PKHD1: variants seen among roughly 807,000 people sequenced by gnomAD.
PKHD1 encodes the protein PKHD1 ciliary IPT domain containing fibrocystin/polyductin.
A neutral mutation model predicts 412.0 loss-of-function variants in PKHD1; 291 were observed. The observed-to-expected ratio is 0.71, with a 90% CI of 0.64 to 0.78. The LOEUF (loss-of-function observed/expected upper bound fraction) is 0.78. Among genes scored for constraint, PKHD1 ranks in the 30% least tolerant of loss-of-function variants. PKHD1 has a pLI of 0.00. For missense variants in PKHD1, 4,825 were observed against 4,950.7 expected, an observed-to-expected ratio of 0.97 and a Z score of 0.76; for synonymous variants, 1,777 against 1,821.5, an observed-to-expected ratio of 0.98 and a Z score of 0.62.
At chr6:51,954,058 C>T (rs1461851607) in intron 36 of PKHD1, among the ~76,000 whole-genome samples, 2 of 152,094 alleles carry the variant, frequency 1.3e-5, no homozygotes, top group Non-Finnish European at 2.9e-5. Context: ...TAGAAGCAGC[C>T]ACTATCTGTA....
At chr6:52,016,336 A>G (rs1800523073) in intron 34 of PKHD1, among the ~76,000 whole-genome samples, 1 of 152,158 alleles carries the variant, frequency 6.6e-6, no homozygotes, top group Admixed American at 6.5e-5. Context: ...GTTTAGTTTC[A>G]TATTTTATAA....
intron 55 of PKHD1, among the ~76,000 whole-genome samples, chr6:51,767,537 A>T (rs1406118499): frequency 6.6e-6 from 1 of 151,968 alleles, no homozygotes; most frequent in Non-Finnish European, 1.5e-5. Flanking sequence ...TCATTGTTCA[A>T]TTCCCACCTA....
At chr6:51,930,370 T>C (rs1188166086) in intron 37 of PKHD1, among the ~76,000 whole-genome samples, 1 of 152,024 alleles carries the variant, frequency 6.6e-6, no homozygotes, top group Non-Finnish European at 1.5e-5. Context: ...GAAAAGATGG[T>C]GCTGTGTGTG....
rs1044357733 is a variant in PKHD1, at chr6:52,064,956, T to C, written c.975A>G (p.Pro325=). Reference sequence around the variant, plus strand: ...GAACAGCCCTGGTGGCTTCCTTACCTGGCTGAGGGGTGGTGAGCCTCACAT... The same window carrying C: ...GAACAGCCCTGGTGGCTTCCTTACCCGGCTGAGGGGTGGTGAGCCTCACAT... ...GKDVRLTTPQ[P]GNRGLLFEVG... Residue 325 remains proline (P), a splice_region_variant and synonymous_variant, in exon 13 of 67, where the codon CCA becomes CCG. Coordinates refer to ENST00000371117, the MANE Select transcript of PKHD1 (RefSeq NM_138694.4). The C allele has an allele frequency of 6.3e-7, 1 of 1,584,806 alleles. No individual in the cohort carries two copies.
At chr6:51,787,267 G>A (rs537588192) in intron 53 of PKHD1, among the ~76,000 whole-genome samples, 1 of 150,836 alleles carries the variant, frequency 6.6e-6, no homozygotes, top group East Asian at 2.0e-4. Context: ...GCTGAGGCAG[G>A]AGAATTACTT....
chr6:51,628,557 T>A (rs1018043074), intron 65 of PKHD1, among the ~76,000 whole-genome samples: 1 of 152,226 alleles, frequency 6.6e-6, no homozygotes, highest in Non-Finnish European at 1.5e-5. Flanking sequence ...TGTGTCCTTT[T>A]GGTAGACTGA....
chr6:52,055,151 T>C (rs1271546425), intron 19 of PKHD1, among the ~76,000 whole-genome samples: 3 of 152,196 alleles, frequency 2.0e-5, no homozygotes, highest in Non-Finnish European at 4.4e-5. Flanking sequence ...TTTACTAGAT[T>C]ATCTCATTTA....
chr6:51,943,073 C>T (rs1396941515), intron 36 of PKHD1, among the ~76,000 whole-genome samples: 3 of 151,744 alleles, frequency 2.0e-5, no homozygotes, highest in Non-Finnish European at 3.0e-5. Context: ...TTCTGTCAGA[C>T]ATAATTCCTC....
At chr6:51,671,228 T>A (rs1251067827) in intron 60 of PKHD1, among the ~76,000 whole-genome samples, 1 of 152,060 alleles carries the variant, frequency 6.6e-6, no homozygotes, top group East Asian at 1.9e-4. Context: ...CCCATATTTC[T>A]TGGAGGCTTT....
chr6:51,724,498 T>C (rs1782320305), intron 60 of PKHD1, among the ~76,000 whole-genome samples: 1 of 152,188 alleles, frequency 6.6e-6, no homozygotes, highest in South Asian at 2.1e-4. Flanking sequence ...TTGATCTATT[T>C]ATTGTCAGCT....
chr6:51,687,802 A>G (rs1252731059), intron 60 of PKHD1, among the ~76,000 whole-genome samples: 4 of 152,218 alleles, frequency 2.6e-5, no homozygotes, highest in Non-Finnish European at 5.9e-5. Flanking sequence ...TGTTTCTCAA[A>G]TAGAGGATGA....
chr6:51,692,526 C>T (rs1366900859), intron 60 of PKHD1, among the ~76,000 whole-genome samples: 5 of 152,160 alleles, frequency 3.3e-5, no homozygotes, highest in Admixed American at 6.6e-5. Context: ...TACCTCCCTC[C>T]GACATGGTTA....
chr6:51,675,921 C>T (rs1433193733), intron 60 of PKHD1, among the ~76,000 whole-genome samples: 1 of 152,136 alleles, frequency 6.6e-6, no homozygotes, highest in African/African-American at 2.4e-5. Context: ...CCTATGAGCA[C>T]TTGCTTTGTG....
At chr6:51,824,181 G>A (rs991474667) in intron 52 of PKHD1, among the ~76,000 whole-genome samples, 1 of 151,940 alleles carries the variant, frequency 6.6e-6, no homozygotes, top group African/African-American at 2.4e-5. Context: ...ACAATTCTAT[G>A]TGTCTATAAT....
intron 52 of PKHD1, among the ~76,000 whole-genome samples, chr6:51,800,897 T>C (rs1467190798): frequency 6.6e-6 from 1 of 152,210 alleles, no homozygotes; most frequent in Non-Finnish European, 1.5e-5. Context: ...GAGCAGGACA[T>C]ACAAGGACTA....
At chr6:51,732,476 T>C (rs1035921992) in intron 60 of PKHD1, among the ~76,000 whole-genome samples, 2 of 152,150 alleles carry the variant, frequency 1.3e-5, no homozygotes, top group African/African-American at 4.8e-5. Flanking sequence ...ATTCAAAAAT[T>C]AATATGGGAC....
At chr6:51,712,654 T>G (rs559233580) in intron 60 of PKHD1, among the ~76,000 whole-genome samples, 1 of 152,304 alleles carries the variant, frequency 6.6e-6, no homozygotes, top group South Asian at 2.1e-4. Context: ...AACAGGTGAT[T>G]CTTATCTTTC....
intron 36 of PKHD1, among the ~76,000 whole-genome samples, chr6:51,940,905 T>G (rs1788400861): frequency 6.6e-6 from 1 of 151,458 alleles, no homozygotes; most frequent in Admixed American, 6.6e-5. Context: ...ATGCACTCCT[T>G]TTTAGTTATC....
intron 35 of PKHD1, among the ~76,000 whole-genome samples, chr6:51,991,648 T>C (rs1797052332): frequency 6.6e-6 from 1 of 152,228 alleles, no homozygotes; most frequent in Non-Finnish European, 1.5e-5. Context: ...AATAGGCTAA[T>C]TGTGATGTAT....
Sources: allele counts gnomAD v4.1 joint callset (sites outside exome capture counted in the v4.1 genomes callset), GRCh38; gene constraint gnomAD v4.1.1; transcripts MANE v1.5; gene names NCBI Gene and HGNC (gene_info 2026-07-23, HGNC 2026-07-21).